The following OPCML variants were observed in gnomAD, a reference collection of about 807,000 sequenced individuals.
The protein encoded by OPCML is opioid binding protein/cell adhesion molecule like.
Under a neutral mutation model 37.8 loss-of-function variants are expected in OPCML, and 13 were observed. The ratio of observed to expected loss-of-function variants is 0.34; its 90% CI spans 0.22 to 0.55. The LOEUF (loss-of-function observed/expected upper bound fraction) is 0.55. Ranked by LOEUF, OPCML falls within the 20% of genes least tolerant of loss-of-function variation. The pLI, the probability that OPCML is intolerant of heterozygous loss-of-function variation, is 0.91. For missense variants in OPCML, 341 were observed against 435.6 expected (o/e 0.78, Z 1.93); for synonymous variants, 176 against 168.8 (o/e 1.04, Z -0.33).
At chr11:132,746,599 C>T (rs1294192851) in intron 2 of OPCML, among the ~76,000 whole-genome samples, 3 of 152,118 alleles carry the variant, frequency 2.0e-5, no homozygotes, top group Admixed American at 6.5e-5. Context: ...AGTCAGAGGT[C>T]GGGATTAGGT....
chr11:132,632,166 G>A (rs1940183965), intron 3 of OPCML, among the ~76,000 whole-genome samples: 1 of 148,598 alleles, frequency 6.7e-6, no homozygotes, highest in Admixed American at 6.7e-5. Context: ...ATGAGAACAT[G>A]ATTGTGCCAC....
intron 1 of OPCML, among the ~76,000 whole-genome samples, chr11:133,455,013 G>T (rs1043977052): frequency 2.6e-5 from 4 of 151,988 alleles, no homozygotes; most frequent in Non-Finnish European, 5.9e-5. Flanking sequence ...TTCACCTTTG[G>T]AAGTTTGTCC....
chr11:133,000,328 A>T (rs1946975272), intron 1 of OPCML, among the ~76,000 whole-genome samples: 1 of 152,090 alleles, frequency 6.6e-6, no homozygotes, highest in South Asian at 2.1e-4. Context: ...GGCCAGGCTG[A>T]TCTCGAACTC....
rs747757504 is a variant in OPCML at position 132,653,380 on chromosome 11, C to T, written c.379+3707G>A. ...CGGGGATGGGAGTCACTCCTGCCTG[C>T]GCTTGTGCCTCCAGCTTCTCCCGCT... On this transcript the variant is annotated intron_variant, in intron 3 of 7. Coordinates refer to ENST00000524381, the MANE Select transcript of OPCML (RefSeq NM_001012393.5). Among the ~76,000 whole-genome samples the T allele has an allele frequency of 2.6e-5, 4 of 152,164 alleles. No individual in the cohort carries two copies. The East Asian group carries it at 5.8e-4, about 22-fold the overall frequency.
intron 2 of OPCML, among the ~76,000 whole-genome samples, chr11:132,742,961 G>A (rs940127603): frequency 1.3e-5 from 2 of 151,914 alleles, no homozygotes; most frequent in Admixed American, 6.6e-5. Flanking sequence ...ATTACAATAC[G>A]TCCTACTAAA....
intron 1 of OPCML, among the ~76,000 whole-genome samples, chr11:133,249,188 C>A (rs1311518004): frequency 1.3e-5 from 2 of 152,152 alleles, no homozygotes; most frequent in African/African-American, 2.4e-5. Context: ...ATTCTACAGG[C>A]TGTACTAGGA....
chr11:133,421,780 T>A (rs752518905), intron 1 of OPCML: 469 of 985,202 alleles, frequency 4.8e-4, no homozygotes, highest in Non-Finnish European at 5.5e-4. Flanking sequence ...GCTCTGGATA[T>A]CAATTGCTTT....
chr11:133,225,760 G>C (rs777493340), intron 1 of OPCML, among the ~76,000 whole-genome samples: 1 of 152,148 alleles, frequency 6.6e-6, no homozygotes, highest in Non-Finnish European at 1.5e-5. Flanking sequence ...ATAGGAAAAA[G>C]GGCCTTAAGT....
rs546559017 is a variant in OPCML, at chr11:132,963,099, T to C, written c.62-20089A>G. Among the ~76,000 whole-genome samples the C allele has an allele frequency of 3.3e-5, 5 of 152,282 alleles. No homozygotes were observed. In the South Asian group the frequency reaches 1.0e-3, roughly 32 times the overall value. On this transcript the variant is annotated intron_variant, in intron 1 of 7. Coordinates refer to ENST00000524381, the MANE Select transcript of OPCML (RefSeq NM_001012393.5). ...TCCACCCCACCACTAGAACCCCAGA[T>C]GCTTGCAGGGTGGGCTTCAGGTTAC...
intron 1 of OPCML, among the ~76,000 whole-genome samples, chr11:133,036,048 T>G (rs1187357544): frequency 6.6e-6 from 1 of 152,214 alleles, no homozygotes; most frequent in Non-Finnish European, 1.5e-5. Flanking sequence ...CCTAGCAAAC[T>G]AATACATCAA....
At position 132,445,232 on chromosome 11, in the gene OPCML, T is replaced by C. The variant is rs565539633; in HGVS notation, c.506-7873A>G. Among the ~76,000 whole-genome samples, 19 of 152,326 alleles carry C rather than the reference T, an allele frequency of 1.2e-4. No homozygotes were observed. In the South Asian group the frequency reaches 3.7e-3, roughly 30 times the overall value. ...AGGAGTACATTAATAAAGATCTCCA[T>C]AGCTGGGGGCTCAGAGGAATTCCCT... On this transcript the variant is annotated intron_variant, in intron 4 of 7. Transcript: ENST00000524381.
Position 132,574,675 on chromosome 11 carries a change from T to C in OPCML, c.380-45489A>G, listed in dbSNP as rs889583593. Among the ~76,000 whole-genome samples, 6 of 152,110 alleles carry C rather than the reference T, an allele frequency of 3.9e-5. No individual in the cohort carries two copies. In the East Asian group the frequency reaches 1.2e-3, roughly 29 times the overall value. On this transcript the variant is annotated intron_variant, in intron 3 of 7. Transcript: ENST00000524381. ...ATTTTGCTGAGACTTGGTTTGTAAA[T>C]CTGATGTATGATCTATCTTGAAGAA... is the stretch of plus-strand genomic sequence containing the variant.
Position 132,975,677 on chromosome 11 carries a change from A to G in OPCML, c.62-32667T>C, listed in dbSNP as rs189112386. Among the ~76,000 whole-genome samples the G allele has an allele frequency of 6.3e-4, 95 of 149,812 alleles. 1 individual carries two copies. In the East Asian group the frequency reaches 0.013, roughly 21 times the overall value. On this transcript the variant is annotated intron_variant, in intron 1 of 7. Coordinates refer to ENST00000524381, the MANE Select transcript of OPCML (RefSeq NM_001012393.5). ...TATTCTTCCTACTTAGTCATTTCCT[A>G]TCATCAGCAGCTGGCTTTCTTTTTT...
At chr11:132,645,817 G>GT (rs1941117799) in intron 3 of OPCML, among the ~76,000 whole-genome samples, 1 of 152,228 alleles carries the variant, frequency 6.6e-6, no homozygotes, top group African/African-American at 2.4e-5. Context: ...CACAACTGAA[G>GT]TTCTCAACAG....
intron 1 of OPCML, among the ~76,000 whole-genome samples, chr11:133,447,819 C>T (rs988082957): frequency 2.0e-5 from 3 of 152,154 alleles, no homozygotes; most frequent in Admixed American, 6.5e-5. Context: ...GTGAACAGTA[C>T]AGTGATGAAC....
intron 1 of OPCML, among the ~76,000 whole-genome samples, chr11:133,240,508 G>C (rs7944260): frequency 1.3e-5 from 2 of 152,220 alleles, no homozygotes; most frequent in East Asian, 3.9e-4. Context: ...CCACATCTCA[G>C]ATGTATCCCC....
Position 132,415,641 on chromosome 11 carries a change from T to C in OPCML, c.*4552A>G, listed in dbSNP as rs1043521498. The C allele has an allele frequency of 2.0e-5, 3 of 152,258 alleles. No homozygotes were observed. The highest frequency in any genetic ancestry group is 7.2e-5 in the African/African-American group (3 of 41,442). The allele number at this position is 152,258 out of a possible 1,614,324, so 9.4% of individuals were successfully genotyped here. ...ATGGAAAGAAACAAAAAGGAATCTC[T>C]TTCAAAATGCTGGAAATTAGGCTTA... On this transcript the variant is annotated 3_prime_UTR_variant, in exon 8 of 8. Coordinates refer to ENST00000524381, the MANE Select transcript of OPCML (RefSeq NM_001012393.5).
At chr11:133,382,069 C>A (rs996850179) in intron 1 of OPCML, among the ~76,000 whole-genome samples, 2 of 152,200 alleles carry the variant, frequency 1.3e-5, no homozygotes, top group African/African-American at 4.8e-5. Context: ...ATCAATATGC[C>A]TTTTCTCCAT....
Position 133,118,501 on chromosome 11 carries a change from A to T in OPCML, c.62-175491T>A, listed in dbSNP as rs571312744. ...GCCTCCATTTGGTCAAGGAGACAGG[A>T]TGGAGAGAATTGCTCAGTAGCAAGA... On this transcript the variant is annotated intron_variant, in intron 1 of 7. Coordinates refer to ENST00000524381, the MANE Select transcript of OPCML (RefSeq NM_001012393.5). 1.2e-5 allele frequency: 9 copies of T among 778,272 alleles called. No individual in the cohort carries two copies. The East Asian group carries it at 1.1e-3, about 99-fold the overall frequency. 48.2% of individuals were successfully genotyped at this position (778,272 alleles called of 1,614,324 possible).
Sources: allele counts gnomAD v4.1 joint callset (sites outside exome capture counted in the v4.1 genomes callset), GRCh38; gene constraint gnomAD v4.1.1; transcripts MANE v1.5; gene names NCBI Gene and HGNC (gene_info 2026-07-23, HGNC 2026-07-21).